The following CNTNAP5 variants were observed in gnomAD, a reference collection of about 807,000 sequenced individuals.
The protein encoded by CNTNAP5 is contactin-associated protein-like 5.
CNTNAP5 carries 72 observed loss-of-function variants against 150.2 expected under a neutral mutation model. The ratio of observed to expected loss-of-function variants is 0.48; its 90% CI spans 0.40 to 0.58. CNTNAP5 has a LOEUF of 0.58. Ranked by LOEUF, CNTNAP5 falls within the 20% of genes least tolerant of loss-of-function variation. CNTNAP5 has a pLI of 0.00. For missense variants in CNTNAP5, 1,636 were observed against 1,626.2 expected (o/e 1.01, Z -0.10); for synonymous variants, 672 against 619.8 (o/e 1.08, Z -1.25).
At chr2:124,207,818 T>C (rs1230857576) in intron 1 of CNTNAP5, among the ~76,000 whole-genome samples, 1 of 152,192 alleles carries the variant, frequency 6.6e-6, no homozygotes, top group Non-Finnish European at 1.5e-5. Flanking sequence ...GAGGGAAAAA[T>C]GGAAATTGAA....
intron 13 of CNTNAP5, among the ~76,000 whole-genome samples, chr2:124,716,848 A>G (rs1414069043): frequency 6.6e-6 from 1 of 152,152 alleles, no homozygotes; most frequent in Non-Finnish European, 1.5e-5. Context: ...GTTTCCAACA[A>G]CCTGTGGAAA....
intron 1 of CNTNAP5, among the ~76,000 whole-genome samples, chr2:124,061,553 T>A (rs1038501033): frequency 3.3e-5 from 5 of 152,116 alleles, no homozygotes; most frequent in African/African-American, 1.2e-4. Context: ...GGGAGGACAT[T>A]CTAGTAGGTG....
At chr2:124,746,164 C>T (rs1229609226) in intron 13 of CNTNAP5, among the ~76,000 whole-genome samples, 1 of 152,120 alleles carries the variant, frequency 6.6e-6, no homozygotes, top group East Asian at 1.9e-4. Context: ...TGTTGTATAT[C>T]AATCACAAAT....
chr2:124,864,573 T>TCACACA lies in CNTNAP5; in HGVS notation c.3218-712_3218-707dup, dbSNP rs10531893. 1.7e-4 allele frequency among the ~76,000 whole-genome samples: 26 copies of TCACACA among 149,958 alleles called. No homozygotes were observed. The East Asian group carries it at 4.6e-3, about 26-fold the overall frequency. Reference sequence around the variant, plus strand: ...CTCTCTCTCTCTGTCTCTCTGTGTCTCACACACACACACACACACACACAC... The same window carrying TCACACA: ...CTCTCTCTCTCTGTCTCTCTGTGTCTCACACACACACACACACACACACACACACAC... On this transcript the variant is annotated intron_variant, in intron 19 of 23. Coordinates refer to ENST00000682447, the MANE Select transcript of CNTNAP5 (RefSeq NM_001367498.1).
chr2:124,914,041 C>T (rs370013514), intron 23 of CNTNAP5, 51 bp from the exon 24 acceptor site: 6 of 1,374,270 alleles, frequency 4.4e-6, no homozygotes, highest in Non-Finnish European at 1.0e-6. Flanking sequence ...CTCTCCTGAG[C>T]AGATGACTCA....
At chr2:124,403,624 A>T (rs918566270) in intron 3 of CNTNAP5, among the ~76,000 whole-genome samples, 1 of 152,200 alleles carries the variant, frequency 6.6e-6, no homozygotes, top group Non-Finnish European at 1.5e-5. Context: ...TGCTCCATGC[A>T]CTGTTCTAGA....
Position 124,647,822 on chromosome 2 carries a change from C to A in CNTNAP5, c.1941C>A (p.Asn647Lys), listed in dbSNP as rs1678236726. Residue 647 changes from asparagine to lysine, a missense_variant, in exon 13 of 24, where the codon AAC becomes AAA. Physicochemically the swap from Asn to Lys is moderately conservative, Grantham distance 94 (BLOSUM62 0). Coordinates refer to ENST00000682447, the MANE Select transcript of CNTNAP5 (RefSeq NM_001367498.1). The part of the protein sequence containing the change: ...NTELTRVRGA[N>K]PEKPYAMALD... ...AGCTGACCCGAGTGCGGGGCGCTAA[C>A]CCTGAGAAGCCCTATGCCATGGCCT... 1.9e-6 allele frequency: 3 copies of A among 1,613,416 alleles called. No individual in the cohort carries two copies. The highest frequency in any genetic ancestry group is 2.5e-6 in the Non-Finnish European group (3 of 1,179,692).
intron 3 of CNTNAP5, among the ~76,000 whole-genome samples, chr2:124,412,512 G>T (rs1335958804): frequency 2.6e-5 from 4 of 151,908 alleles, no homozygotes; most frequent in Non-Finnish European, 4.4e-5. Flanking sequence ...AAATAGCATG[G>T]TACTGGTACC....
At chr2:124,456,373 AC>A (rs1259401014) in intron 6 of CNTNAP5, among the ~76,000 whole-genome samples, 10 of 152,300 alleles carry the variant, frequency 6.6e-5, no homozygotes, top group African/African-American at 1.4e-4. Flanking sequence ...AAGGTGAAAG[AC>A]CTCTACAAGA....
At chr2:124,353,650 C>T (rs1017838926) in intron 3 of CNTNAP5, among the ~76,000 whole-genome samples, 1 of 152,182 alleles carries the variant, frequency 6.6e-6, no homozygotes, top group Non-Finnish European at 1.5e-5. Context: ...TACGAATTTT[C>T]TCACTTCTAG....
At chr2:124,504,583 G>C in intron 8 of CNTNAP5, 27 bp downstream of exon 8, 6 of 1,606,008 alleles carry the variant, frequency 3.7e-6, no homozygotes, top group Non-Finnish European at 5.1e-6. Context: ...CTCTGGATCA[G>C]CTTCTTGTTT....
In CNTNAP5 at chr2:124,348,399, C is replaced by A. The variant is rs1689792945; in HGVS notation, c.382-69044C>A. 3.3e-5 allele frequency among the ~76,000 whole-genome samples: 5 copies of A among 152,170 alleles called. No individual in the cohort carries two copies. In the South Asian group the frequency reaches 1.0e-3, roughly 32 times the overall value. On this transcript the variant is annotated intron_variant, in intron 3 of 23. Coordinates refer to ENST00000682447, the MANE Select transcript of CNTNAP5 (RefSeq NM_001367498.1). ...AACCGAGGGCATCCTCGTTTTGTTTCTAAACTTAGGGAAAAAACTTTCTGT... is the reference window on the plus strand; with the variant it reads ...AACCGAGGGCATCCTCGTTTTGTTTATAAACTTAGGGAAAAAACTTTCTGT...
chr2:124,647,193 G>A (rs966067407), intron 12 of CNTNAP5, among the ~76,000 whole-genome samples: 1 of 152,112 alleles, frequency 6.6e-6, no homozygotes. Flanking sequence ...TTTTGGCAAA[G>A]AGAGGTAATA....
intron 3 of CNTNAP5, among the ~76,000 whole-genome samples, chr2:124,352,214 T>C (rs1689888590): frequency 6.6e-6 from 1 of 152,194 alleles, no homozygotes; most frequent in South Asian, 2.1e-4. Flanking sequence ...CGTTTTTCTA[T>C]GACACATTAA....
intron 13 of CNTNAP5, among the ~76,000 whole-genome samples, chr2:124,711,961 T>C (rs914686449): frequency 1.3e-5 from 2 of 152,182 alleles, no homozygotes; most frequent in Admixed American, 1.3e-4. Context: ...CCTAGACACG[T>C]GCAGAAGATC....
At chr2:124,647,707 T>C in intron 12 of CNTNAP5, 51 bp from the exon 13 acceptor site, 1 of 1,510,760 alleles carries the variant, frequency 6.6e-7, no homozygotes, top group Non-Finnish European at 8.9e-7. Flanking sequence ...CATGCTCCAT[T>C]TTTGACATTG....
chr2:124,349,853 T>C (rs1689829178), intron 3 of CNTNAP5, among the ~76,000 whole-genome samples: 1 of 142,814 alleles, frequency 7.0e-6, no homozygotes, highest in Non-Finnish European at 1.5e-5. Context: ...GACTTGGTTT[T>C]GAAATGACTT....
chr2:124,205,289 G>T (rs751085823), intron 1 of CNTNAP5, among the ~76,000 whole-genome samples: 5 of 152,016 alleles, frequency 3.3e-5, no homozygotes, highest in Non-Finnish European at 7.4e-5. Context: ...CATTTCCCCT[G>T]CTTGCACTTT....
intron 10 of CNTNAP5, among the ~76,000 whole-genome samples, chr2:124,543,575 C>G (rs974141083): frequency 6.6e-6 from 1 of 152,170 alleles, no homozygotes; most frequent in East Asian, 1.9e-4. Flanking sequence ...GGCTGTTTAT[C>G]TGAAAGTGAA....
Sources: allele counts gnomAD v4.1 joint callset (sites outside exome capture counted in the v4.1 genomes callset), GRCh38; gene constraint gnomAD v4.1.1; transcripts MANE v1.5; gene names NCBI Gene and HGNC (gene_info 2026-07-23, HGNC 2026-07-21).